INO80: variants seen among roughly 807,000 people sequenced by gnomAD.
INO80 encodes the protein INO80 complex ATPase subunit.
A neutral mutation model predicts 203.4 loss-of-function variants in INO80; 20 were observed. The observed-to-expected ratio is 0.10, with a 90% CI of 0.07 to 0.14. INO80 has a LOEUF of 0.14. INO80 is among the 10% of genes least tolerant of loss of function. INO80 has a pLI of 1.00. For missense variants in INO80, 1,419 were observed against 1,914.4 expected, an observed-to-expected ratio of 0.74 and a Z score of 4.83; for synonymous variants, 726 against 685.2, an observed-to-expected ratio of 1.06 and a Z score of -0.93.
rs754341136 is a variant in INO80, at chr15:41,021,094, T to C, written c.3080A>G (p.Asn1027Ser). 2.6e-5 allele frequency: 42 copies of C among 1,614,148 alleles called. No homozygotes were observed. Among genetic ancestry groups the C allele is most frequent in the Admixed American group, 3.3e-5 (2 of 60,032 alleles). ...CCTTTCATATTCTGCACTTCGGTCA[T>C]TGCAGTAAGAATCCAATGGCACTGC... ...VTAVPLDSYC[N>S]DRSAEYERRV... Residue 1027 changes from asparagine to serine, a missense_variant, in exon 26 of 36, where the codon AAT becomes AGT. This residue lies in a region of INO80 where 302 missense variants were observed against 345.4 expected (regional missense o/e 0.87). Transcript: ENST00000648947.
At chr15:41,100,417 G>C (rs756873302) in intron 1 of INO80, among the ~76,000 whole-genome samples, 7 of 152,160 alleles carry the variant, frequency 4.6e-5, no homozygotes, top group Non-Finnish European at 7.4e-5. Flanking sequence ...GTACCTATGT[G>C]AGTATGAAAT....
chr15:41,108,255 AAAG>A (rs1165525156), intron 1 of INO80, among the ~76,000 whole-genome samples: 26 of 152,080 alleles, frequency 1.7e-4, no homozygotes, highest in African/African-American at 5.6e-4. Flanking sequence ...GCATGGTAAG[AAAG>A]AAGATGAAGT....
At chr15:41,035,754 G>A (rs570749840) in intron 24 of INO80, among the ~76,000 whole-genome samples, 189 of 140,704 alleles carry the variant, frequency 1.3e-3, no homozygotes, top group Non-Finnish European at 2.0e-3. Context: ...ACTGGGAGGC[G>A]GAGGTTGCAG....
intron 6 of INO80, among the ~76,000 whole-genome samples, chr15:41,086,773 G>A (rs1004740005): frequency 1.1e-4 from 16 of 152,112 alleles, no homozygotes; most frequent in Non-Finnish European, 1.9e-4. Flanking sequence ...AGTAAGAGAG[G>A]AAAGGACATT....
intron 27 of INO80, among the ~76,000 whole-genome samples, chr15:41,013,689 T>TA (rs1353654701): frequency 6.6e-6 from 1 of 152,154 alleles, no homozygotes; most frequent in African/African-American, 2.4e-5. Context: ...TGAATAAACT[T>TA]TAAGAAATTA....
chr15:41,041,737 C>T lies in INO80; in HGVS notation c.2907+3167G>A, dbSNP rs1043979491. Among the ~76,000 whole-genome samples the T allele has an allele frequency of 8.5e-5, 13 of 152,132 alleles. No individual in the cohort carries two copies. In the South Asian group the frequency reaches 1.0e-3, roughly 12 times the overall value. ...GGATTAACAGGCATGAGCCACTGTACCCAGCCGGCTTCTAGTTCTTTATTC... is the reference window on the plus strand; with the variant it reads ...GGATTAACAGGCATGAGCCACTGTATCCAGCCGGCTTCTAGTTCTTTATTC... On this transcript the variant is annotated intron_variant, in intron 24 of 35. Coordinates refer to ENST00000648947, the MANE Select transcript of INO80 (RefSeq NM_017553.3).
chr15:41,075,272 TTTC>T (rs2045385335), intron 9 of INO80, among the ~76,000 whole-genome samples: 1 of 151,230 alleles, frequency 6.6e-6, no homozygotes, highest in Non-Finnish European at 1.5e-5. Context: ...GTCAGAAACT[TTTC>T]TTTTTTTTTT....
chr15:41,083,972 T>C (rs975340544), intron 7 of INO80, among the ~76,000 whole-genome samples: 1 of 152,176 alleles, frequency 6.6e-6, no homozygotes, highest in African/African-American at 2.4e-5. Context: ...ATTTTTCCAA[T>C]TCTTCCCCAG....
chr15:41,056,524 G>T, intron 17 of INO80, 98 bp downstream of exon 17: 1 of 916,602 alleles, frequency 1.1e-6, no homozygotes, highest in Non-Finnish European at 1.7e-6. Flanking sequence ...TTTATACAAA[G>T]CAGTAGCACT....
intron 9 of INO80, among the ~76,000 whole-genome samples, chr15:41,076,466 C>CTT (rs566456701): frequency 1.7e-4 from 25 of 144,150 alleles, no homozygotes; most frequent in South Asian, 4.5e-4. Flanking sequence ...TGCAAACTTT[C>CTT]TTTTTTTTTT....
rs552646852 is a variant in INO80 at position 41,033,337 on chromosome 15, A to AT, written c.2908-5602dup. 6.4e-3 allele frequency among the ~76,000 whole-genome samples: 892 copies of AT among 138,942 alleles called. 4 individuals are homozygous for AT. The highest frequency in any genetic ancestry group is 0.011 in the African/African-American group (421 of 37,078). The allele number at this position is 138,942 out of a possible 152,430, so 91.2% of individuals were successfully genotyped here. On this transcript the variant is annotated intron_variant, in intron 24 of 35. Coordinates refer to ENST00000648947, the MANE Select transcript of INO80 (RefSeq NM_017553.3). Reference sequence around the variant, plus strand: ...TTCTATCTCTGCTGCCTGAATCAGAATTTTTTTTTTTTTTTTTTGGAGACA... The same window carrying AT: ...TTCTATCTCTGCTGCCTGAATCAGAATTTTTTTTTTTTTTTTTTTGGAGACA...
chr15:41,007,182 C>CTTTTTTTTTTTTTT (rs11330780), intron 27 of INO80, among the ~76,000 whole-genome samples: 17 of 119,294 alleles, frequency 1.4e-4, no homozygotes, highest in South Asian at 2.7e-4. Context: ...TTTTTTTTTT[C>CTTTTTTTTTTTTTT]TTTTTTTTTT....
chr15:41,007,170 T>A (rs1395681330), intron 27 of INO80, among the ~76,000 whole-genome samples: 1 of 118,788 alleles, frequency 8.4e-6, no homozygotes, highest in Non-Finnish European at 1.7e-5. Context: ...CAGGCACTCT[T>A]TTTTTTTTTT....
intron 27 of INO80, among the ~76,000 whole-genome samples, chr15:41,014,122 T>TA (rs1172179882): frequency 6.6e-6 from 1 of 152,204 alleles, no homozygotes; most frequent in Non-Finnish European, 1.5e-5. Context: ...AGGACTATAA[T>TA]AAAGGCTGTA....
chr15:41,040,231 T>A (rs2044646352), intron 24 of INO80, among the ~76,000 whole-genome samples: 1 of 151,988 alleles, frequency 6.6e-6, no homozygotes, highest in Non-Finnish European at 1.5e-5. Context: ...ATATGCCAAT[T>A]CTAAAATTTA....
In INO80 at chr15:41,047,518, A is replaced by T. The variant is rs768438920; in HGVS notation, c.2642-17T>A. ...CATTAATACCTGAAATATAAAAGAC[A>T]ATTTGAAACCCAACAGCAAACCAAG... On this transcript the variant is annotated splice_polypyrimidine_tract_variant and intron_variant, in intron 22 of 35. Coordinates refer to ENST00000648947, the MANE Select transcript of INO80 (RefSeq NM_017553.3). 6.5e-6 allele frequency: 10 copies of T among 1,544,142 alleles called. No individual in the cohort carries two copies. The highest frequency in any genetic ancestry group is 1.4e-5 in the African/African-American group (1 of 73,106).
At chr15:41,019,679 T>C (rs2044260635) in intron 26 of INO80, 1 of 152,260 alleles carries the variant, frequency 6.6e-6, no homozygotes, top group Non-Finnish European at 1.5e-5. Context: ...AAACAATATA[T>C]TTCCACTCAC....
chr15:40,993,099 G>T (rs2043836728), intron 29 of INO80, among the ~76,000 whole-genome samples: 2 of 152,130 alleles, frequency 1.3e-5, no homozygotes, highest in South Asian at 4.1e-4. Flanking sequence ...CCAGCCTAGA[G>T]CCCCTTTCTG....
chr15:41,035,101 C>T (rs777074824), intron 24 of INO80, among the ~76,000 whole-genome samples: 4 of 152,182 alleles, frequency 2.6e-5, no homozygotes, highest in Non-Finnish European at 4.4e-5. Flanking sequence ...TAACAGAGCA[C>T]AAGGATAGAG....
Sources: gnomAD v4.1 joint callset for allele counts (sites outside exome capture counted in the v4.1 genomes callset) on GRCh38, gnomAD v4.1.1 for gene constraint, gnomAD v4.1.1 regional missense constraint, MANE v1.5 for transcripts, NCBI Gene and HGNC (gene_info 2026-07-23, HGNC 2026-07-21) for gene names.